Variants in AKAP13 observed in about 807,000 individuals in gnomAD.
AKAP13 encodes the protein A-kinase anchor protein 13.
In AKAP13, 80 loss-of-function variants were observed where a neutral mutation model predicts 264.5. The observed-to-expected ratio is 0.30, with a 90% CI of 0.25 to 0.36. The LOEUF is 0.36. AKAP13 is among the 10% of genes least tolerant of loss of function. The pLI is 1.00. For missense variants in AKAP13, 3,712 were observed against 3,435.2 expected, an observed-to-expected ratio of 1.08 and a Z score of -2.01; for synonymous variants, 1,380 against 1,250.2, an observed-to-expected ratio of 1.10 and a Z score of -2.19.
At chr15:85,497,966 T>C (rs1382445234) in intron 2 of AKAP13, among the ~76,000 whole-genome samples, 4 of 149,730 alleles carry the variant, frequency 2.7e-5, no homozygotes, top group South Asian at 2.1e-4. Context: ...GAATGAGATC[T>C]GGGGATGATG....
At chr15:85,525,212 C>T (rs1409451484) in intron 3 of AKAP13, among the ~76,000 whole-genome samples, 4 of 151,896 alleles carry the variant, frequency 2.6e-5, no homozygotes, top group Non-Finnish European at 5.9e-5. Flanking sequence ...TGCCCACCAC[C>T]ACACCTGGCT....
intron 8 of AKAP13, among the ~76,000 whole-genome samples, chr15:85,587,224 A>T (rs1351933058): frequency 1.3e-5 from 2 of 152,156 alleles, no homozygotes; most frequent in Non-Finnish European, 2.9e-5. Context: ...CCATAGAGAG[A>T]TTTGCTGTGA....
At chr15:85,711,314 A>T (rs1381762499) in intron 19 of AKAP13, among the ~76,000 whole-genome samples, 3 of 152,228 alleles carry the variant, frequency 2.0e-5, no homozygotes, top group Non-Finnish European at 4.4e-5. Context: ...ACCAGTGCAT[A>T]GAAGACTCCA....
At chr15:85,735,964 C>T (rs536356749) in intron 32 of AKAP13, 126 bp from the exon 33 acceptor site, 2 of 827,486 alleles carry the variant, frequency 2.4e-6, no homozygotes, top group South Asian at 1.5e-5. Flanking sequence ...ACCTCTTAAA[C>T]CTTCACTACC....
At chr15:85,736,207 C>CTTT in intron 33 of AKAP13, 73 bp downstream of exon 33, 11 of 1,057,520 alleles carry the variant, frequency 1.0e-5, no homozygotes, top group Admixed American at 2.5e-5. Flanking sequence ...TTGTTTTTTC[C>CTTT]TTTTTTTTTT....
chr15:85,671,817 C>A (rs560943123), intron 14 of AKAP13, among the ~76,000 whole-genome samples: 1 of 152,214 alleles, frequency 6.6e-6, no homozygotes, highest in Non-Finnish European at 1.5e-5. Flanking sequence ...CCTTCCGTGA[C>A]CAGCAAGTGT....
intron 6 of AKAP13, among the ~76,000 whole-genome samples, chr15:85,578,436 C>A (rs1214593751): frequency 2.6e-5 from 4 of 152,200 alleles, no homozygotes; most frequent in African/African-American, 7.2e-5. Context: ...CAACCTCCGC[C>A]TCCCGGGTAC....
intron 3 of AKAP13, among the ~76,000 whole-genome samples, chr15:85,527,148 A>G (rs1473282967): frequency 2.0e-5 from 3 of 152,076 alleles, no homozygotes; most frequent in Non-Finnish European, 2.9e-5. Flanking sequence ...GTTTTTTAGT[A>G]GAGACGGGGT....
intron 3 of AKAP13, among the ~76,000 whole-genome samples, chr15:85,532,111 G>A (rs2077260782): frequency 6.6e-6 from 1 of 152,176 alleles, no homozygotes; most frequent in Non-Finnish European, 1.5e-5. Flanking sequence ...TCATAAAATT[G>A]TTGTGGAGAG....
chr15:85,440,741 C>G (rs1418962556), intron 1 of AKAP13, among the ~76,000 whole-genome samples: 1 of 152,162 alleles, frequency 6.6e-6, no homozygotes, highest in East Asian at 1.9e-4. Flanking sequence ...CAGAGCCATC[C>G]AGTTACTCTT....
At chr15:85,600,342 A>G (rs1285346048) in intron 8 of AKAP13, among the ~76,000 whole-genome samples, 1 of 151,104 alleles carries the variant, frequency 6.6e-6, no homozygotes, top group Non-Finnish European at 1.5e-5. Context: ...AAAAAAGGCT[A>G]GCTTACTATT....
chr15:85,569,872 T>C (rs1438248599), intron 5 of AKAP13, among the ~76,000 whole-genome samples: 1 of 149,884 alleles, frequency 6.7e-6, no homozygotes, highest in Admixed American at 6.6e-5. Flanking sequence ...GGTCAGGAGA[T>C]CAAGACCATC....
chr15:85,627,270 A>G (rs112246076), intron 8 of AKAP13, among the ~76,000 whole-genome samples: 216 of 152,286 alleles, frequency 1.4e-3, no homozygotes, highest in Non-Finnish European at 2.4e-3. Flanking sequence ...ACATGGGCAA[A>G]TGGAGTACAT....
intron 2 of AKAP13, among the ~76,000 whole-genome samples, chr15:85,501,702 T>C (rs1404590618): frequency 6.6e-6 from 1 of 152,246 alleles, no homozygotes; most frequent in Non-Finnish European, 1.5e-5. Flanking sequence ...CAGAGAACTT[T>C]TGTCACTTGC....
At chr15:85,464,183 C>T (rs2074636317) in intron 1 of AKAP13, among the ~76,000 whole-genome samples, 1 of 152,206 alleles carries the variant, frequency 6.6e-6, no homozygotes, top group Non-Finnish European at 1.5e-5. Context: ...CTTTCCTCTT[C>T]ATAAATACTG....
intron 8 of AKAP13, among the ~76,000 whole-genome samples, chr15:85,617,873 G>A (rs920143135): frequency 1.3e-5 from 2 of 152,180 alleles, no homozygotes; most frequent in Non-Finnish European, 2.9e-5. Context: ...CCATGCTTTT[G>A]ATAAGCCTGA....
chr15:85,659,423 C>CTT (rs143205428), intron 12 of AKAP13, among the ~76,000 whole-genome samples: 4,229 of 152,252 alleles, frequency 0.028, 99 homozygotes, highest in Non-Finnish European at 0.036. Flanking sequence ...ATCTTTCCTA[C>CTT]TTTGTCTTTT....
intron 3 of AKAP13, among the ~76,000 whole-genome samples, chr15:85,532,680 T>C (rs1205128478): frequency 2.0e-5 from 3 of 152,228 alleles, no homozygotes. Context: ...TGGAAATATT[T>C]AATTCTGTGA....
chr15:85,425,225 A>C (rs1026833472), intron 1 of AKAP13, among the ~76,000 whole-genome samples: 12 of 152,180 alleles, frequency 7.9e-5, no homozygotes, highest in Non-Finnish European at 1.6e-4. Context: ...AATAAAGTGA[A>C]ATGCATTAAA....
Sources: gnomAD v4.1 joint callset for allele counts (sites outside exome capture counted in the v4.1 genomes callset) on GRCh38, gnomAD v4.1.1 for gene constraint, MANE v1.5 for transcripts, NCBI Gene and HGNC (gene_info 2026-07-23, HGNC 2026-07-21) for gene names.